Variants in PATJ observed in about 807,000 individuals in gnomAD.
PATJ encodes PATJ crumbs cell polarity complex component.
Under a neutral mutation model 224.9 loss-of-function variants are expected in PATJ, and 190 were observed. The ratio of observed to expected loss-of-function variants is 0.84; its 90% confidence interval spans 0.75 to 0.95. The LOEUF is 0.95. PATJ is among the 40% of genes least tolerant of loss of function. The pLI, the probability that PATJ is intolerant of heterozygous loss-of-function variation, is 0.00. For synonymous variants in PATJ, 769 were observed against 820.3 expected, an observed-to-expected ratio of 0.94 and a Z score of 1.07; for missense variants, 2,121 against 2,270.3, an observed-to-expected ratio of 0.93 and a Z score of 1.34.
chr1:61,817,127 G>A (rs888395860), intron 14 of PATJ, among the ~76,000 whole-genome samples: 11 of 152,182 alleles, frequency 7.2e-5, no homozygotes, highest in Non-Finnish European at 1.2e-4. Context: ...TGAGTACAAT[G>A]GGTATTTCAG....
chr1:61,756,987 C>T lies in PATJ; in HGVS notation c.-35-5871C>T, dbSNP rs146960648. Among the ~76,000 whole-genome samples the T allele has an allele frequency of 2.7e-3, 409 of 152,000 alleles. 1 individual carries two copies. The highest frequency in any genetic ancestry group is 5.6e-3 in the Admixed American group (86 of 15,256). On this transcript the variant is annotated intron_variant, in intron 1 of 43. Coordinates refer to ENST00000642238, the MANE Select transcript of PATJ (RefSeq NM_001350145.3). ...TTCTCTTAGCACGTGGTACATACCT[C>T]TGCTCTGCTATTGTGTGTATATGCC...
chr1:62,158,753 A>C (rs1235377685), intron 43 of PATJ, among the ~76,000 whole-genome samples: 1 of 139,048 alleles, frequency 7.2e-6, no homozygotes, highest in Non-Finnish European at 1.5e-5. Flanking sequence ...GTTCGAGACC[A>C]GCTTGGCCAA....
At position 61,884,314 on chromosome 1, in the gene PATJ, G is replaced by T; in HGVS notation, c.3037G>T (p.Asp1013Tyr). ...PVVAQRREQEDLPLYQHQATR... is the reference protein window; with the variant it reads ...PVVAQRREQEYLPLYQHQATR... ...TGTGGCTCAAAGGAGGGAGCAAGAA[G>T]ATTTGCCTTTATATCAACACCAAGC... is the stretch of plus-strand genomic sequence containing the variant. Residue 1013 changes from aspartate to tyrosine, a missense_variant, in exon 22 of 44, where the codon GAT becomes TAT. By Grantham distance (160) the Asp-to-Tyr change is radical. Transcript: ENST00000642238. The T allele has an allele frequency of 1.9e-6, 3 of 1,613,712 alleles. No homozygotes were observed. Among genetic ancestry groups the T allele is most frequent in the Non-Finnish European group, 1.7e-6 (2 of 1,179,884 alleles).
intron 40 of PATJ, 97 bp from the exon 41 acceptor site, chr1:62,128,744 A>C (rs553182403): frequency 1.1e-6 from 1 of 875,604 alleles, no homozygotes; most frequent in African/African-American, 1.6e-5. Context: ...CACAATAGCC[A>C]CAAATGGGAA....
At chr1:62,046,283 G>A (rs780861759) in intron 30 of PATJ, among the ~76,000 whole-genome samples, 1 of 152,094 alleles carries the variant, frequency 6.6e-6, no homozygotes, top group South Asian at 2.1e-4. Flanking sequence ...GTTATGTTCT[G>A]TACCTCATTT....
intron 27 of PATJ, among the ~76,000 whole-genome samples, chr1:61,928,498 A>G (rs1185154903): frequency 6.6e-6 from 1 of 152,158 alleles, no homozygotes; most frequent in African/African-American, 2.4e-5. Flanking sequence ...ATTTTATGGT[A>G]TGTGAAACAT....
intron 28 of PATJ, among the ~76,000 whole-genome samples, chr1:62,000,063 A>G (rs923710863): frequency 2.0e-5 from 3 of 151,494 alleles, no homozygotes; most frequent in Non-Finnish European, 4.4e-5. Flanking sequence ...TAATTTTTGT[A>G]TTTTTAGTAG....
At chr1:61,985,221 G>A (rs143138241) in intron 27 of PATJ, among the ~76,000 whole-genome samples, 2,038 of 152,054 alleles carry the variant, frequency 0.013, 36 homozygotes, top group Middle Eastern at 0.041. Flanking sequence ...CTGAGGCAGG[G>A]GAATCGCTTG....
intron 28 of PATJ, among the ~76,000 whole-genome samples, chr1:61,990,984 T>A (rs1645027432): frequency 6.6e-6 from 1 of 152,194 alleles, no homozygotes; most frequent in African/African-American, 2.4e-5. Context: ...ATTTAAGGTA[T>A]CTGTTCTGAG....
chr1:61,855,955 C>T, intron 17 of PATJ, 75 bp from the exon 18 acceptor site: 2 of 1,029,562 alleles, frequency 1.9e-6, no homozygotes, highest in South Asian at 2.7e-5. Context: ...ATTCATCAGT[C>T]AACTCAAGCT....
chr1:62,050,238 G>A (rs1653359928), intron 30 of PATJ, among the ~76,000 whole-genome samples: 1 of 151,778 alleles, frequency 6.6e-6, no homozygotes. Flanking sequence ...AAACAGTTTA[G>A]TCATATACAA....
Position 61,833,786 on chromosome 1 carries a change from G to C in PATJ, c.2112+1G>C, listed in dbSNP as rs767285395. ...GGGATTCAGCATTTTGGATTACCAGGTATAAGAACCTGTGTAGAGGTGTTT... is the reference window on the plus strand; with the variant it reads ...GGGATTCAGCATTTTGGATTACCAGCTATAAGAACCTGTGTAGAGGTGTTT... On this transcript the variant is annotated splice_donor_variant, in intron 17 of 43. Transcript: ENST00000642238. LOFTEE classifies it high-confidence loss of function. The C allele has an allele frequency of 6.2e-7, 1 of 1,612,540 alleles. No homozygotes were observed. The highest frequency in any genetic ancestry group is 1.1e-5 in the South Asian group (1 of 90,868).
At chr1:61,907,155 A>G (rs942900066) in intron 24 of PATJ, among the ~76,000 whole-genome samples, 14 of 152,176 alleles carry the variant, frequency 9.2e-5, no homozygotes, top group African/African-American at 3.4e-4. Flanking sequence ...CGCCCCAGCC[A>G]TACAGAACCA....
chr1:62,106,697 A>G (rs1663095957), intron 33 of PATJ, among the ~76,000 whole-genome samples: 1 of 152,164 alleles, frequency 6.6e-6, no homozygotes, highest in Non-Finnish European at 1.5e-5. Context: ...CCAAACACCC[A>G]GACATTGATG....
At chr1:61,980,260 G>T (rs901576414) in intron 27 of PATJ, among the ~76,000 whole-genome samples, 4 of 151,650 alleles carry the variant, frequency 2.6e-5, no homozygotes, top group African/African-American at 9.7e-5. Context: ...ACTCTAGCCT[G>T]GTCAACAGAA....
intron 14 of PATJ, among the ~76,000 whole-genome samples, chr1:61,819,395 T>C (rs1656797335): frequency 6.6e-6 from 1 of 152,318 alleles, no homozygotes; most frequent in East Asian, 1.9e-4. Context: ...GTATTTGCTT[T>C]GTCTACTTAC....
At chr1:62,140,341 T>C (rs927332837) in intron 41 of PATJ, among the ~76,000 whole-genome samples, 4 of 152,180 alleles carry the variant, frequency 2.6e-5, no homozygotes, top group African/African-American at 9.7e-5. Flanking sequence ...TTTTATACTT[T>C]GCAGCTAGAC....
At chr1:61,937,881 C>G (rs1677139318) in intron 27 of PATJ, among the ~76,000 whole-genome samples, 1 of 152,136 alleles carries the variant, frequency 6.6e-6, no homozygotes, top group African/African-American at 2.4e-5. Context: ...AACTCCCAAC[C>G]TCAGATGATC....
intron 43 of PATJ, 42 bp downstream of exon 43, chr1:62,153,523 C>A: frequency 8.4e-7 from 1 of 1,197,312 alleles, no homozygotes; most frequent in Non-Finnish European, 1.0e-6. Flanking sequence ...AAAAATTAAA[C>A]CTAGGTGAGA....
Sources: gnomAD v4.1 joint callset for allele counts (sites outside exome capture counted in the v4.1 genomes callset) on GRCh38, gnomAD v4.1.1 for gene constraint, MANE v1.5 for transcripts, NCBI Gene and HGNC (gene_info 2026-07-23, HGNC 2026-07-21) for gene names.